RASSF2: variants seen among roughly 807,000 people sequenced by gnomAD.
The protein encoded by RASSF2 is ras association domain-containing protein 2.
RASSF2 carries 34 observed loss-of-function variants against 46.3 expected under a neutral mutation model. The observed-to-expected ratio is 0.73, with a 90% confidence interval of 0.56 to 0.98. RASSF2 has a LOEUF of 0.98. Among genes scored for constraint, RASSF2 ranks in the 50% least tolerant of loss-of-function variants. RASSF2 has a pLI of 0.00. For missense variants in RASSF2, 364 were observed against 431.2 expected, an observed-to-expected ratio of 0.84 and a Z score of 1.38; for synonymous variants, 158 against 162.5, an observed-to-expected ratio of 0.97 and a Z score of 0.21.
chr20:4,798,600 G>A (rs551007468), intron 3 of RASSF2, among the ~76,000 whole-genome samples: 5 of 151,954 alleles, frequency 3.3e-5, no homozygotes, highest in South Asian at 2.1e-4. Context: ...CAAGACCAGC[G>A]GATCACTTAA....
In RASSF2 at chr20:4,788,317, C is replaced by G. The variant is rs375829881; in HGVS notation, c.640-49G>C. 42 of 1,527,492 alleles carry G rather than the reference C, an allele frequency of 2.7e-5. No homozygotes were observed. In the African/African-American group the frequency reaches 5.1e-4, roughly 18 times the overall value. 94.6% of individuals were successfully genotyped at this position (1,527,492 alleles called of 1,614,324 possible). ...TGTTGAAAGTTTCTATTTAAACATC[C>G]CAACTTCGAGGCTTTTCCTCTTCTT... On this transcript the variant is annotated intron_variant, in intron 8 of 11. Transcript: ENST00000379400.
intron 4 of RASSF2, 34 bp downstream of exon 4, chr20:4,797,976 T>C: frequency 1.2e-6 from 2 of 1,612,286 alleles, no homozygotes; most frequent in Non-Finnish European, 1.7e-6. Context: ...AGCCCTGGAC[T>C]AGCCAATCAG....
At position 4,801,076 on chromosome 20, in the gene RASSF2, G is replaced by C; in HGVS notation, c.-32-14C>G. 1 of 1,599,076 alleles carries C rather than the reference G, an allele frequency of 6.3e-7. No individual in the cohort carries two copies. Among genetic ancestry groups the C allele is most frequent in the Non-Finnish European group, 8.6e-7 (1 of 1,167,408 alleles). On this transcript the variant is annotated splice_polypyrimidine_tract_variant and intron_variant, in intron 2 of 11. Coordinates refer to ENST00000379400, the MANE Select transcript of RASSF2 (RefSeq NM_014737.3). ...GGAAGGAGAGGCCTACATTTGGAAG[G>C]AGAAGACAGAGGTTAAAGTCAAGTT...
chr20:4,790,892 T>C lies in RASSF2; in HGVS notation c.377-281A>G, dbSNP rs115581585. Among the ~76,000 whole-genome samples, 34 of 152,282 alleles carry C rather than the reference T, an allele frequency of 2.2e-4. No individual in the cohort carries two copies. Among genetic ancestry groups the C allele is most frequent in the African/African-American group, 8.2e-4 (34 of 41,544 alleles). The stretch of plus-strand genomic sequence containing the variant: ...CTCTCTGTGCCTCGGTGCTTTTATA[T>C]ATAAAATAGGGATAATAATAACACC... On this transcript the variant is annotated intron_variant, in intron 6 of 11. Transcript: ENST00000379400. The surrounding 1 kb of genome is among the most constrained non-coding windows in gnomAD (Gnocchi z 4.3).
At chr20:4,792,777 A>G in intron 5 of RASSF2, 150 bp from the exon 6 acceptor site, 1 of 1,428,328 alleles carries the variant, frequency 7.0e-7, no homozygotes, top group Non-Finnish European at 9.2e-7. Context: ...TGAAGGGTGC[A>G]GATGGGCTGC....
At chr20:4,792,775 GC>G in intron 5 of RASSF2, 148 bp from the exon 6 acceptor site, 1 of 1,434,018 alleles carries the variant, frequency 7.0e-7, no homozygotes, top group African/African-American at 1.4e-5. Flanking sequence ...GATGAAGGGT[GC>G]AGATGGGCTG....
chr20:4,790,405 C>T lies in RASSF2; in HGVS notation c.537+46G>A. On this transcript the variant is annotated intron_variant, in intron 7 of 11. Transcript: ENST00000379400. This position sits in a 1 kb window ranked among gnomAD's most constrained non-coding sequence, Gnocchi z 4.3. ...GGCTGTAGCCCTGAGGTGGCATCTA[C>T]CCAGGAAGAGGTCTTCCACCCTCCC... 7.1e-7 allele frequency: 1 copy of T among 1,415,016 alleles called. No homozygotes were observed. The highest frequency in any genetic ancestry group is 9.2e-7 in the Non-Finnish European group (1 of 1,081,852). The allele number at this position is 1,415,016 out of a possible 1,614,324, so 87.7% of individuals were successfully genotyped here. A position where few individuals can be genotyped will look rare whatever the true frequency, so the allele number is the denominator to read the frequency against.
At chr20:4,803,193 G>A (rs1927039877) in intron 2 of RASSF2, among the ~76,000 whole-genome samples, 1 of 152,056 alleles carries the variant, frequency 6.6e-6, no homozygotes. Flanking sequence ...TTACAGGCAT[G>A]AGCCACCGCA....
chr20:4,811,982 T>C (rs1927856542), intron 2 of RASSF2, among the ~76,000 whole-genome samples: 1 of 152,078 alleles, frequency 6.6e-6, no homozygotes, highest in South Asian at 2.1e-4. Context: ...AACCAAGCAA[T>C]GGCAGAGGAG....
At chr20:4,821,902 C>T (rs931348811) in intron 2 of RASSF2, among the ~76,000 whole-genome samples, 5 of 152,214 alleles carry the variant, frequency 3.3e-5, no homozygotes, top group Admixed American at 3.3e-4. Context: ...CCTCAAAGCC[C>T]CCACGCAAGG....
intron 7 of RASSF2, 61 bp from the exon 8 acceptor site, chr20:4,789,758 C>T: frequency 7.1e-7 from 1 of 1,407,752 alleles, no homozygotes; most frequent in Non-Finnish European, 1.0e-6. Context: ...TGCTAAAATC[C>T]AGGTGCGGTA....
chr20:4,792,952 T>A (rs1249271200), intron 5 of RASSF2: 1 of 318,926 alleles, frequency 3.1e-6, no homozygotes, highest in Non-Finnish European at 5.9e-6. Flanking sequence ...ACCCACGTGT[T>A]GCCTGCACTG....
intron 2 of RASSF2, among the ~76,000 whole-genome samples, chr20:4,810,116 C>G (rs1224946196): frequency 1.3e-5 from 2 of 152,204 alleles, no homozygotes; most frequent in African/African-American, 2.4e-5. Context: ...CACCCACTCT[C>G]AAGTTGGGAG....
chr20:4,809,569 C>T (rs1013880060), intron 2 of RASSF2, among the ~76,000 whole-genome samples: 2 of 151,704 alleles, frequency 1.3e-5, no homozygotes, highest in South Asian at 4.2e-4. Flanking sequence ...CCCCAGCTCC[C>T]AGCCTGTGCC....
rs1311014612 is a variant in RASSF2, at chr20:4,800,913, A to G, written c.59+59T>C. 1.6e-5 allele frequency: 24 copies of G among 1,464,772 alleles called. No individual in the cohort carries two copies. In the East Asian group the frequency reaches 5.4e-4, roughly 33 times the overall value. The allele number at this position is 1,464,772 out of a possible 1,614,324, so 90.7% of individuals were successfully genotyped here. A position where few individuals can be genotyped will look rare whatever the true frequency, so the allele number is the denominator to read the frequency against. On this transcript the variant is annotated intron_variant, in intron 3 of 11. Coordinates refer to ENST00000379400, the MANE Select transcript of RASSF2 (RefSeq NM_014737.3). ...CTCTGCCAGCGGCTGCCGTCCACCC[A>G]CAACATCCCAGCACGGGACTGGTCA...
intron 8 of RASSF2, among the ~76,000 whole-genome samples, chr20:4,789,257 T>C (rs1925646824): frequency 6.6e-6 from 1 of 152,200 alleles, no homozygotes; most frequent in Non-Finnish European, 1.5e-5. Context: ...CCTTCTAAAG[T>C]AGCCCATAAA....
chr20:4,801,821 C>T (rs1259293518), intron 2 of RASSF2, among the ~76,000 whole-genome samples: 1 of 152,122 alleles, frequency 6.6e-6, no homozygotes, highest in Non-Finnish European at 1.5e-5. Flanking sequence ...TCACTGCAAC[C>T]TCCCTCTCCC....
Position 4,780,828 on chromosome 20 carries a change from G to A in RASSF2, c.*3445C>T, listed in dbSNP as rs911668214. 3 of 152,174 alleles carry A rather than the reference G, an allele frequency of 2.0e-5. No individual in the cohort carries two copies. Among genetic ancestry groups the A allele is most frequent in the African/African-American group, 7.2e-5 (3 of 41,428 alleles). 9.4% of individuals were successfully genotyped at this position (152,174 alleles called of 1,614,324 possible). A position where few individuals can be genotyped will look rare whatever the true frequency, so the allele number is the denominator to read the frequency against. On this transcript the variant is annotated 3_prime_UTR_variant, in exon 12 of 12. Coordinates refer to ENST00000379400, the MANE Select transcript of RASSF2 (RefSeq NM_014737.3). ...AAAACCACACAAAAAAATTAGCCGGGCGTGGTGGCGGGTCCCTGTAATTCC... is the reference window on the plus strand; with the variant it reads ...AAAACCACACAAAAAAATTAGCCGGACGTGGTGGCGGGTCCCTGTAATTCC...
At chr20:4,815,675 C>T (rs1025110367) in intron 2 of RASSF2, among the ~76,000 whole-genome samples, 1 of 152,188 alleles carries the variant, frequency 6.6e-6, no homozygotes, top group Non-Finnish European at 1.5e-5. Context: ...AAAGTCATGG[C>T]GAATCGTGAG....
Sources: allele counts gnomAD v4.1 joint callset (sites outside exome capture counted in the v4.1 genomes callset), GRCh38; gene constraint gnomAD v4.1.1; non-coding constraint Gnocchi (gnomAD v3.1); transcripts MANE v1.5; gene names NCBI Gene and HGNC (gene_info 2026-07-23, HGNC 2026-07-21).